The following PPARGC1A variants were observed in gnomAD, a reference collection of about 807,000 sequenced individuals.
PPARGC1A encodes the protein peroxisome proliferator-activated receptor gamma coactivator 1-alpha.
A neutral mutation model predicts 88.7 loss-of-function variants in PPARGC1A; 25 were observed. That is an observed-to-expected ratio of 0.28 (90% CI 0.21 to 0.39). The LOEUF (loss-of-function observed/expected upper bound fraction) is 0.39, where lower values mean the gene tolerates loss of function less well. Among genes scored for constraint, PPARGC1A ranks in the 10% least tolerant of loss-of-function variants. PPARGC1A has a pLI of 1.00. For synonymous variants in PPARGC1A, 363 were observed against 355.6 expected (o/e 1.02, Z -0.24); for missense variants, 880 against 968.7 (o/e 0.91, Z 1.22).
At chr4:23,991,177 A>G in the PPARGC1A span, among the ~76,000 whole-genome samples, 4 of 152,046 alleles carry the variant, frequency 2.6e-5, no homozygotes, top group Admixed American at 6.6e-5. Flanking sequence ...AATGATAGCA[A>G]TTCCTCCATA....
At chr4:23,829,726 C>T (rs965237343) in intron 3 of PPARGC1A, 141 bp from the exon 4 acceptor site, 90 of 739,974 alleles carry the variant, frequency 1.2e-4, no homozygotes, top group Non-Finnish European at 1.5e-4. Flanking sequence ...CACACCTTAG[C>T]GCAATAGTGC....
At chr4:24,339,265 C>CACATCAGAAT in the PPARGC1A span, among the ~76,000 whole-genome samples, 5 of 148,798 alleles carry the variant, frequency 3.4e-5, no homozygotes, top group African/African-American at 1.2e-4. Context: ...CACACACACA[C>CACATCAGAAT]ATCAGAATTC....
At chr4:23,980,209 A>T in the PPARGC1A span, among the ~76,000 whole-genome samples, 1 of 131,698 alleles carries the variant, frequency 7.6e-6, no homozygotes, top group Non-Finnish European at 1.6e-5. Context: ...AAAAAAAAAA[A>T]TGGAGGATAC....
chr4:23,952,498 A>T, the PPARGC1A span, among the ~76,000 whole-genome samples: 1 of 151,870 alleles, frequency 6.6e-6, no homozygotes, highest in South Asian at 2.1e-4. Flanking sequence ...CTACAACTTT[A>T]CCCCCTACTG....
At chr4:23,933,405 TA>T in the PPARGC1A span, among the ~76,000 whole-genome samples, 1 of 152,170 alleles carries the variant, frequency 6.6e-6, no homozygotes, top group South Asian at 2.1e-4. Context: ...CTTCCAGGAG[TA>T]AGTGTTTGCA....
At chr4:23,805,438 T>G (rs28750249) in intron 10 of PPARGC1A, among the ~76,000 whole-genome samples, 8,031 of 152,170 alleles carry the variant, frequency 0.053, 255 homozygotes, top group South Asian at 0.12. Flanking sequence ...ACTAAATAAA[T>G]GACCAGATGA....
At chr4:24,387,882 GAA>G in the PPARGC1A span, among the ~76,000 whole-genome samples, 7 of 120,246 alleles carry the variant, frequency 5.8e-5, no homozygotes, top group Admixed American at 9.3e-5. Flanking sequence ...GAAAGAGAAA[GAA>G]AGAAAGAAAG....
Position 23,897,318 on chromosome 4 carries a change from G to A in PPARGC1A, n.52+1949C>T, listed in dbSNP as rs555528229. Among the ~76,000 whole-genome samples the A allele has an allele frequency of 5.3e-5, 8 of 152,268 alleles. No individual in the cohort carries two copies. The South Asian group carries it at 1.7e-3, about 32-fold the overall frequency. ...GGAGACTCAAGTCTATCTGACAGGTGGAGTCACTTTGAGGATCTTGATTCA... is the reference window on the plus strand; with the variant it reads ...GGAGACTCAAGTCTATCTGACAGGTAGAGTCACTTTGAGGATCTTGATTCA... On this transcript the variant is annotated intron_variant and non_coding_transcript_variant, in intron 1 of 3. Transcript: ENST00000507342.
chr4:24,000,184 C>T, the PPARGC1A span, among the ~76,000 whole-genome samples: 2 of 152,048 alleles, frequency 1.3e-5, no homozygotes, highest in South Asian at 2.1e-4. Context: ...TTCAGGCCAA[C>T]GAAATTACTT....
At chr4:23,886,103 A>G (rs1367247786) in intron 1 of PPARGC1A, among the ~76,000 whole-genome samples, 2 of 152,298 alleles carry the variant, frequency 1.3e-5, no homozygotes, top group East Asian at 1.9e-4. Context: ...TTGCCAGAAC[A>G]GTAAGGACTT....
the PPARGC1A span, among the ~76,000 whole-genome samples, chr4:24,252,089 T>C: frequency 2.0e-5 from 3 of 152,244 alleles, no homozygotes; most frequent in Non-Finnish European, 4.4e-5. Flanking sequence ...AGGAAATCAT[T>C]CTAAAATTTC....
At chr4:23,910,948 A>C in the PPARGC1A span, among the ~76,000 whole-genome samples, 1 of 150,758 alleles carries the variant, frequency 6.6e-6, no homozygotes, top group Non-Finnish European at 1.5e-5. Context: ...CCCTCCCCTC[A>C]ACCCCCACCC....
chr4:23,966,296 T>G, the PPARGC1A span, among the ~76,000 whole-genome samples: 2 of 152,170 alleles, frequency 1.3e-5, no homozygotes, highest in African/African-American at 4.8e-5. Context: ...ATCATGGAAA[T>G]GTTCTGTATC....
chr4:24,120,410 T>A, the PPARGC1A span, among the ~76,000 whole-genome samples: 15 of 152,154 alleles, frequency 9.9e-5, no homozygotes, highest in African/African-American at 3.4e-4. Context: ...TAACCAAGAT[T>A]TATTGTGTAC....
chr4:23,980,032 G>A, the PPARGC1A span, among the ~76,000 whole-genome samples: 1 of 151,936 alleles, frequency 6.6e-6, no homozygotes, highest in Admixed American at 6.6e-5. Flanking sequence ...CTTCCGGTTG[G>A]CTCCTCAGAA....
At chr4:24,117,681 C>T in the PPARGC1A span, among the ~76,000 whole-genome samples, 5 of 151,668 alleles carry the variant, frequency 3.3e-5, no homozygotes, top group East Asian at 9.7e-4. Context: ...TTAATATCTG[C>T]CGCTTGATAT....
At chr4:24,319,382 A>G in the PPARGC1A span, among the ~76,000 whole-genome samples, 1 of 152,192 alleles carries the variant, frequency 6.6e-6, no homozygotes, top group Admixed American at 6.5e-5. Context: ...TCATTTGAGA[A>G]AAGACCAACT....
chr4:24,429,194 G>A, the PPARGC1A span, among the ~76,000 whole-genome samples: 54 of 152,188 alleles, frequency 3.5e-4, no homozygotes, highest in African/African-American at 9.2e-4. Context: ...TATTTATAAC[G>A]TCCAAAGAAC....
At chr4:24,311,111 TTTTTTTG>T in the PPARGC1A span, among the ~76,000 whole-genome samples, 2 of 128,964 alleles carry the variant, frequency 1.6e-5, no homozygotes, top group African/African-American at 5.9e-5. Context: ...TTTTTTTTTT[TTTTTTTG>T]AGACAGAGTC....
Sources: allele counts gnomAD v4.1 joint callset (sites outside exome capture counted in the v4.1 genomes callset), GRCh38; gene constraint gnomAD v4.1.1; transcripts MANE v1.5; gene names NCBI Gene and HGNC (gene_info 2026-07-23, HGNC 2026-07-21).